ANKFN1: variants seen among roughly 807,000 people sequenced by gnomAD.
ANKFN1 encodes ankyrin repeat and fibronectin type-III domain-containing protein 1.
Under a neutral mutation model 108.7 loss-of-function variants are expected in ANKFN1, and 74 were observed. That is an observed-to-expected ratio of 0.68 (90% CI 0.56 to 0.83). The LOEUF (loss-of-function observed/expected upper bound fraction) is 0.83, where lower values mean the gene tolerates loss of function less well. Among genes scored for constraint, ANKFN1 ranks in the 40% least tolerant of loss-of-function variants. The pLI is 0.00. For missense variants in ANKFN1, 1,505 were observed against 1,382.3 expected (o/e 1.09, Z -1.41); for synonymous variants, 547 against 516.2 (o/e 1.06, Z -0.81).
intron 8 of ANKFN1, among the ~76,000 whole-genome samples, chr17:56,375,794 A>C (rs2046931992): frequency 6.6e-6 from 1 of 152,222 alleles, no homozygotes; most frequent in African/African-American, 2.4e-5. Flanking sequence ...ACTATGCACC[A>C]GGCACCATTT....
rs1369022579 is a variant in ANKFN1, at chr17:56,326,276, A to G, written c.109A>G (p.Ser37Gly). The change falls in exon 4 of 21, where the codon AGC becomes GGC. Residue 37 changes from serine (S) to glycine (G), a missense_variant. Transcript: ENST00000682825. ...AQRLSHRRKQ[S>G]QCDLLNESTG... ...GAGGCTGAGCCACAGGAGAAAGCAA[A>G]GCCAATGTGATTTATTGAATGAAAG... 1 of 1,613,888 alleles carries G rather than the reference A, an allele frequency of 6.2e-7. No individual in the cohort carries two copies. The highest frequency in any genetic ancestry group is 8.5e-7 in the Non-Finnish European group (1 of 1,179,902).
At chr17:56,395,734 A>G (rs1370846528) in intron 8 of ANKFN1, among the ~76,000 whole-genome samples, 1 of 152,136 alleles carries the variant, frequency 6.6e-6, no homozygotes, top group Non-Finnish European at 1.5e-5. Flanking sequence ...CTGTAATCCC[A>G]GCTACTCGGG....
chr17:56,330,815 T>C (rs1456037935), intron 4 of ANKFN1, among the ~76,000 whole-genome samples: 2 of 152,218 alleles, frequency 1.3e-5, no homozygotes, highest in Non-Finnish European at 2.9e-5. Context: ...GTAGAATCAA[T>C]ACTAATCATC....
intron 1 of ANKFN1, among the ~76,000 whole-genome samples, chr17:56,182,056 G>A (rs1401955766): frequency 6.6e-6 from 1 of 152,140 alleles, no homozygotes; most frequent in East Asian, 1.9e-4. Context: ...ATCAACAAAT[G>A]CATGTACTCT....
In ANKFN1 at chr17:56,288,929, G is replaced by A. The variant is rs397843102; in HGVS notation, c.54-37292G>A. Among the ~76,000 whole-genome samples, 3 of 152,260 alleles carry A rather than the reference G, an allele frequency of 2.0e-5. No individual in the cohort carries two copies. The South Asian group carries it at 6.2e-4, about 32-fold the overall frequency. On this transcript the variant is annotated intron_variant, in intron 3 of 20. Coordinates refer to ENST00000682825, the MANE Select transcript of ANKFN1 (RefSeq NM_001370326.1). Reference sequence around the variant, plus strand: ...TTCCATGAATTTAATTATCATCCACGGGTTAGCAAGACACACATTCTTGTC... The same window carrying A: ...TTCCATGAATTTAATTATCATCCACAGGTTAGCAAGACACACATTCTTGTC...
intron 1 of ANKFN1, among the ~76,000 whole-genome samples, chr17:56,175,000 T>A (rs1911015367): frequency 6.6e-6 from 1 of 152,184 alleles, no homozygotes; most frequent in African/African-American, 2.4e-5. Flanking sequence ...TTTCTATTCC[T>A]GTTTGCTGAT....
chr17:56,351,654 G>A (rs1464619830), intron 5 of ANKFN1, among the ~76,000 whole-genome samples: 1 of 152,118 alleles, frequency 6.6e-6, no homozygotes, highest in Non-Finnish European at 1.5e-5. Context: ...CCATCAGGAG[G>A]AATGAATATT....
At chr17:56,248,466 A>G (rs2144041552) in intron 3 of ANKFN1, among the ~76,000 whole-genome samples, 1 of 152,346 alleles carries the variant, frequency 6.6e-6, no homozygotes, top group East Asian at 1.9e-4. Flanking sequence ...TTACTTGACT[A>G]TGTTCCTAAT....
chr17:56,115,558 T>C (rs1906217893), intron 4 of ANKFN1, among the ~76,000 whole-genome samples: 1 of 152,196 alleles, frequency 6.6e-6, no homozygotes, highest in African/African-American at 2.4e-5. Flanking sequence ...AAAACAGTTA[T>C]AACCATGTGG....
At chr17:56,488,532 C>T (rs1251090123) in intron 18 of ANKFN1, among the ~76,000 whole-genome samples, 1 of 152,132 alleles carries the variant, frequency 6.6e-6, no homozygotes, top group Non-Finnish European at 1.5e-5. Context: ...AGGCAGTGAG[C>T]CTAATGAAAT....
At chr17:56,174,037 C>T in intron 1 of ANKFN1, 2 of 333,228 alleles carry the variant, frequency 6.0e-6, no homozygotes, top group Non-Finnish European at 8.6e-6. Context: ...CAGGTCCATG[C>T]CATCTGCCAG....
At position 56,482,453 on chromosome 17, in the gene ANKFN1, C is replaced by A; in HGVS notation, c.2189C>A (p.Ala730Asp). The change falls in exon 18 of 21, where the codon GCC becomes GAC. Residue 730 changes from alanine to aspartate, a missense_variant. Physicochemically the swap from Ala to Asp is moderately radical, Grantham distance 126. Transcript: ENST00000682825. ...CCTGCCTCAGACGACGTCTGTACAG[C>A]CCCAGGACAGAATAATCCTTACACC... ...LLPASDDVCT[A>D]PGQNNPYTPH... The A allele has an allele frequency of 6.2e-7, 1 of 1,613,706 alleles. No individual in the cohort carries two copies. The highest frequency in any genetic ancestry group is 1.1e-5 in the South Asian group (1 of 90,988).
rs566750072 is a variant in ANKFN1 at position 56,248,989 on chromosome 17, G to A, written c.53+21032G>A. 1.1e-4 allele frequency among the ~76,000 whole-genome samples: 16 copies of A among 152,270 alleles called. No individual in the cohort carries two copies. In the East Asian group the frequency reaches 2.9e-3, roughly 28 times the overall value. ...ACCAATTGCACAGGGGAGGTGGTGA[G>A]GAGAACACTGTCATGTGGAAACAGC... On this transcript the variant is annotated intron_variant, in intron 3 of 20. Transcript: ENST00000682825.
intron 8 of ANKFN1, among the ~76,000 whole-genome samples, chr17:56,397,890 G>A (rs867504284): frequency 9.2e-5 from 14 of 152,082 alleles, no homozygotes; most frequent in Admixed American, 9.2e-4. Context: ...AAGAAATTAG[G>A]GAATAAGATT....
intron 1 of ANKFN1, among the ~76,000 whole-genome samples, chr17:56,189,192 A>T (rs1311777897): frequency 6.4e-5 from 1 of 15,738 alleles, no homozygotes; most frequent in Non-Finnish European, 1.0e-4. Context: ...TTTTTTTGAG[A>T]CGGAGTCTCG....
At position 56,332,605 on chromosome 17, in the gene ANKFN1, C is replaced by T. The variant is rs187445697; in HGVS notation, c.188+6250C>T. ...TTTTCAGAGATGAATTGATCATATA[C>T]GTACAGGTTGTTTCCTGGCTCTCTA... On this transcript the variant is annotated intron_variant, in intron 4 of 20. Coordinates refer to ENST00000682825, the MANE Select transcript of ANKFN1 (RefSeq NM_001370326.1). Among the ~76,000 whole-genome samples, 29 of 152,126 alleles carry T rather than the reference C, an allele frequency of 1.9e-4. No homozygotes were observed. In the East Asian group the frequency reaches 2.3e-3, roughly 12 times the overall value.
chr17:56,500,164 G>C lies in ANKFN1; in HGVS notation c.2644+1066G>C, dbSNP rs2051322934. 2.0e-5 allele frequency among the ~76,000 whole-genome samples: 3 copies of C among 152,066 alleles called. No homozygotes were observed. In the South Asian group the frequency reaches 6.2e-4, roughly 31 times the overall value. ...CCTTGAAGAGTTACTTGTGAATAAG[G>C]TAAACTATATCAATGATGCATGTCA... On this transcript the variant is annotated intron_variant, in intron 20 of 20. Transcript: ENST00000682825.
intron 4 of ANKFN1, among the ~76,000 whole-genome samples, chr17:56,070,429 T>G (rs1318171696): frequency 6.6e-6 from 1 of 152,186 alleles, no homozygotes; most frequent in African/African-American, 2.4e-5. Flanking sequence ...AATGTTCCAC[T>G]CTTTTTTGTT....
In ANKFN1 at chr17:56,279,980, A is replaced by G. The variant is rs1301860235; in HGVS notation, c.54-46241A>G. ...TGCTTGCCAAACCAATTAAATCAGA[A>G]TATTTCAGGTTGGGAGCCACATAAT... On this transcript the variant is annotated intron_variant, in intron 3 of 20. Transcript: ENST00000682825. Among the ~76,000 whole-genome samples the G allele has an allele frequency of 2.0e-5, 3 of 150,390 alleles. No individual in the cohort carries two copies. In the East Asian group the frequency reaches 5.8e-4, roughly 29 times the overall value.
Sources: gnomAD v4.1 joint callset for allele counts (sites outside exome capture counted in the v4.1 genomes callset) on GRCh38, gnomAD v4.1.1 for gene constraint, MANE v1.5 for transcripts, NCBI Gene and HGNC (gene_info 2026-07-23, HGNC 2026-07-21) for gene names.